DNM3: variants seen among roughly 807,000 people sequenced by gnomAD.
The protein encoded by DNM3 is dynamin-3.
Under a neutral mutation model 101.6 loss-of-function variants are expected in DNM3, and 47 were observed. That is an observed-to-expected ratio of 0.46 (90% CI 0.37 to 0.59). DNM3 has a LOEUF of 0.59. Ranked by LOEUF, DNM3 falls within the 20% of genes least tolerant of loss-of-function variation. The pLI is 0.00. For synonymous variants in DNM3, 385 were observed against 387.9 expected, an observed-to-expected ratio of 0.99 and a Z score of 0.09; for missense variants, 849 against 1,085.7, an observed-to-expected ratio of 0.78 and a Z score of 3.06.
chr1:172,219,911 G>A (rs2148559155), intron 14 of DNM3, among the ~76,000 whole-genome samples: 1 of 143,424 alleles, frequency 7.0e-6, no homozygotes. Context: ...CAAAATAGAA[G>A]ACCCTGAGAA....
At chr1:172,053,324 C>A (rs1398260552) in intron 10 of DNM3, among the ~76,000 whole-genome samples, 1 of 151,952 alleles carries the variant, frequency 6.6e-6, no homozygotes, top group South Asian at 2.1e-4. Context: ...ACCTGCCATC[C>A]CCTCTCATTT....
chr1:172,097,729 G>A (rs550853248), intron 13 of DNM3, among the ~76,000 whole-genome samples: 4 of 152,194 alleles, frequency 2.6e-5, no homozygotes, highest in East Asian at 1.9e-4. Flanking sequence ...GTCAGATATC[G>A]GGCAAAATTC....
chr1:172,208,458 G>A (rs1000104268), intron 14 of DNM3, among the ~76,000 whole-genome samples: 47 of 152,066 alleles, frequency 3.1e-4, no homozygotes, highest in African/African-American at 1.1e-3. Context: ...CCTCCATAAT[G>A]TAGGTGGGGT....
intron 3 of DNM3, 120 bp downstream of exon 3, chr1:171,987,925 ACTGC>A (rs1428586425): frequency 2.1e-6 from 2 of 943,766 alleles, no homozygotes; most frequent in Non-Finnish European, 2.9e-6. Flanking sequence ...TCCTTTGGAT[ACTGC>A]CCATTAATGT....
At chr1:172,326,388 T>A (rs1002379299) in intron 17 of DNM3, among the ~76,000 whole-genome samples, 7 of 152,304 alleles carry the variant, frequency 4.6e-5, no homozygotes, top group African/African-American at 1.7e-4. Context: ...AGTCAATGTC[T>A]TCATTAGAAA....
At chr1:172,186,620 T>G (rs1378283772) in intron 14 of DNM3, among the ~76,000 whole-genome samples, 1 of 152,098 alleles carries the variant, frequency 6.6e-6, no homozygotes, top group Non-Finnish European at 1.5e-5. Context: ...AGGCTGCTAC[T>G]TCTTGCTTCT....
rs1296262680 is a variant in DNM3 at position 172,075,173 on chromosome 1, GT to G, written c.1422+6269del. ...CCCACTTTTTGATTTTTTTTTTCTG[GT>G]AAATTTGTATACGTTCTTTGTAAAT... On this transcript the variant is annotated intron_variant, in intron 11 of 20. Transcript: ENST00000627582. 4.6e-5 allele frequency among the ~76,000 whole-genome samples: 7 copies of G among 150,944 alleles called. No homozygotes were observed. The East Asian group carries it at 1.4e-3, about 29-fold the overall frequency.
chr1:172,017,775 C>A (rs1216408088), intron 4 of DNM3, among the ~76,000 whole-genome samples: 1 of 152,082 alleles, frequency 6.6e-6, no homozygotes, highest in Non-Finnish European at 1.5e-5. Context: ...CTTGCTGGAT[C>A]TATCCATTTC....
At chr1:172,359,149 C>CACACACACAT (rs1553244187) in intron 17 of DNM3, among the ~76,000 whole-genome samples, 30 of 150,884 alleles carry the variant, frequency 2.0e-4, no homozygotes, top group African/African-American at 3.4e-4. Flanking sequence ...CACACACACA[C>CACACACACAT]ACACACACAC....
chr1:172,280,025 CTG>C (rs2063429585), intron 15 of DNM3, among the ~76,000 whole-genome samples: 1 of 152,196 alleles, frequency 6.6e-6, no homozygotes, highest in Non-Finnish European at 1.5e-5. Flanking sequence ...GGCTCCTTCT[CTG>C]AACTCATTTC....
chr1:172,208,262 A>T (rs1226809987), intron 14 of DNM3, among the ~76,000 whole-genome samples: 1 of 152,070 alleles, frequency 6.6e-6, no homozygotes, highest in African/African-American at 2.4e-5. Context: ...CTACTTCTAA[A>T]ATCAGTCCTC....
chr1:172,062,065 A>G (rs1226700912), intron 10 of DNM3, among the ~76,000 whole-genome samples: 1 of 152,178 alleles, frequency 6.6e-6, no homozygotes, highest in Admixed American at 6.5e-5. Flanking sequence ...TTAATGGGAT[A>G]GAATCTCACC....
At position 171,987,672 on chromosome 1, in the gene DNM3, A is replaced by G. The variant is rs772395153; in HGVS notation, c.252A>G (p.Leu84=). The change falls in exon 3 of 21, where the codon CTA becomes CTG. Residue 84 remains leucine, a synonymous_variant. Coordinates refer to ENST00000627582, the MANE Select transcript of DNM3 (RefSeq NM_015569.5). ...TTTTTGTAGAATATGCCGAGTTTCTACATTGCAAAGGAAAGAAATTTACAG... is the reference window on the plus strand; with the variant it reads ...TTTTTGTAGAATATGCCGAGTTTCTGCATTGCAAAGGAAAGAAATTTACAG... ...VTSKAEYAEF[L]HCKGKKFTDF... 1.3e-6 allele frequency: 2 copies of G among 1,583,902 alleles called. No homozygotes were observed. The highest frequency in any genetic ancestry group is 1.9e-5 in the Admixed American group (1 of 53,074).
chr1:172,239,447 C>T (rs758246703), intron 14 of DNM3, among the ~76,000 whole-genome samples: 1 of 152,150 alleles, frequency 6.6e-6, no homozygotes, highest in Non-Finnish European at 1.5e-5. Context: ...TCTCCATACC[C>T]TCTCTGAGGC....
At chr1:171,870,968 G>T (rs1397285891) in intron 1 of DNM3, among the ~76,000 whole-genome samples, 1 of 152,172 alleles carries the variant, frequency 6.6e-6, no homozygotes, top group African/African-American at 2.4e-5. Flanking sequence ...AACACTTGAA[G>T]ACATGAGAGA....
In DNM3 at chr1:171,883,396, CA is replaced by C. The variant is rs1182975999; in HGVS notation, c.162-38351del. 5.0e-3 allele frequency among the ~76,000 whole-genome samples: 603 copies of C among 119,570 alleles called. 24 individuals are homozygous for C. Among genetic ancestry groups the C allele is most frequent in the Admixed American group, 0.042 (525 of 12,572 alleles). The allele number at this position is 119,570 out of a possible 152,430, so 78.4% of individuals were successfully genotyped here. On this transcript the variant is annotated intron_variant, in intron 1 of 20. Transcript: ENST00000627582. ...ACACACACACACACACACACACACA[CA>C]CACACACACACACACACCCTGTCAG...
chr1:172,316,186 GC>G (rs1442695775), intron 16 of DNM3, among the ~76,000 whole-genome samples: 1 of 151,988 alleles, frequency 6.6e-6, no homozygotes, highest in African/African-American at 2.4e-5. Flanking sequence ...ACAAGCAAAT[GC>G]TGAGAGATTT....
intron 1 of DNM3, among the ~76,000 whole-genome samples, chr1:171,890,234 A>G (rs891626553): frequency 6.6e-6 from 1 of 152,174 alleles, no homozygotes; most frequent in Non-Finnish European, 1.5e-5. Flanking sequence ...AATAATATTC[A>G]TAGTAAATCT....
chr1:171,894,581 A>G (rs1458517583), intron 1 of DNM3, among the ~76,000 whole-genome samples: 2 of 151,602 alleles, frequency 1.3e-5, no homozygotes, highest in African/African-American at 4.9e-5. Context: ...ATTTGTTTGT[A>G]TTGATTGATT....
Sources: allele counts gnomAD v4.1 joint callset (sites outside exome capture counted in the v4.1 genomes callset), GRCh38; gene constraint gnomAD v4.1.1; transcripts MANE v1.5; gene names NCBI Gene and HGNC (gene_info 2026-07-23, HGNC 2026-07-21).